Variants in KCNMB1 observed in about 807,000 individuals in gnomAD.
The protein encoded by KCNMB1 is potassium calcium-activated channel subfamily M regulatory beta subunit 1.
A neutral mutation model predicts 21.7 loss-of-function variants in KCNMB1; 22 were observed. That is an observed-to-expected ratio of 1.01 (90% CI 0.72 to 1.45). The LOEUF is 1.45. Among genes scored for constraint, KCNMB1 ranks in the 40% most tolerant of loss-of-function variants. The pLI is 0.00. For missense variants in KCNMB1, 243 were observed against 243.4 expected (o/e 1.00, Z 0.01); for synonymous variants, 114 against 107.6 (o/e 1.06, Z -0.37).
intron 1 of KCNMB1, among the ~76,000 whole-genome samples, chr5:170,387,759 C>T (rs990974307): frequency 2.6e-5 from 4 of 152,252 alleles, no homozygotes; most frequent in Admixed American, 2.6e-4. Flanking sequence ...TTGAACAAGA[C>T]TCTCCATGTA....
rs150439459 is a variant in KCNMB1, at chr5:170,383,695, C to G, written c.290G>C (p.Arg97Pro). ...GTTCAGTACCTGCTGGTTCTGGTCC[C>G]GAGTGTCCTCCGTGTGGTACAGCAC... is the stretch of plus-strand genomic sequence containing the variant. ...WAVLYHTEDTRDQNQQCSYIP... is the reference protein window; with the variant it reads ...WAVLYHTEDTPDQNQQCSYIP... The change falls in exon 3 of 4, where the codon CGG (arginine) becomes CCG (proline). Residue 97 changes from arginine to proline, a missense_variant. By Grantham distance (103) the Arg-to-Pro change is moderately radical. Coordinates refer to ENST00000274629, the MANE Select transcript of KCNMB1 (RefSeq NM_004137.4). The G allele has an allele frequency of 6.2e-7, 1 of 1,614,108 alleles. No individual in the cohort carries two copies. Among genetic ancestry groups the G allele is most frequent in the Admixed American group, 1.7e-5 (1 of 60,026 alleles).
chr5:170,383,562 G>A lies in KCNMB1; in HGVS notation c.306+117C>T, dbSNP rs556381141. ...GGGCTGGCTCAGTCTCATTCCAGCT[G>A]TGAGACCTGGTCAAGTGGGTTGATC... On this transcript the variant is annotated intron_variant, in intron 3 of 3. Transcript: ENST00000274629. The A allele has an allele frequency of 1.8e-5, 20 of 1,139,480 alleles. No individual in the cohort carries two copies. In the South Asian group the frequency reaches 2.2e-4, roughly 13 times the overall value. The allele number at this position is 1,139,480 out of a possible 1,614,324, so 70.6% of individuals were successfully genotyped here.
rs550611207 is a variant in KCNMB1, at chr5:170,386,210, C to T, written c.-24-739G>A. On this transcript the variant is annotated intron_variant, in intron 1 of 3. Coordinates refer to ENST00000274629, the MANE Select transcript of KCNMB1 (RefSeq NM_004137.4). ...TATCCATGTAGCTCCTAAATGTAAT[C>T]CCAAGGGTCCTAATAAGAGGGAAGT... 9.9e-5 allele frequency among the ~76,000 whole-genome samples: 15 copies of T among 152,016 alleles called. No individual in the cohort carries two copies. In the East Asian group the frequency reaches 2.9e-3, roughly 29 times the overall value.
At position 170,377,703 on chromosome 5, in the gene KCNMB1, G is replaced by T. The variant is rs558586661; in HGVS notation, c.*1001C>A. ...TTCTCCTGCCTCAGCCTCCTGAGTA[G>T]CTGGGACCACAGGTGCCCACCACCA... On this transcript the variant is annotated 3_prime_UTR_variant, in exon 4 of 4. Transcript: ENST00000274629. The T allele has an allele frequency of 2.7e-4, 41 of 152,180 alleles. No individual in the cohort carries two copies. Among genetic ancestry groups the T allele is most frequent in the African/African-American group, 9.4e-4 (39 of 41,500 alleles). The allele number at this position is 152,180 out of a possible 1,614,324, so 9.4% of individuals were successfully genotyped here. A position where few individuals can be genotyped will look rare whatever the true frequency, so the allele number is the denominator to read the frequency against.
chr5:170,388,190 T>G (rs1764563965), intron 1 of KCNMB1, among the ~76,000 whole-genome samples: 1 of 152,220 alleles, frequency 6.6e-6, no homozygotes, highest in Admixed American at 6.5e-5. Context: ...GTCTGGAAAC[T>G]TGGCTTATTC....
intron 3 of KCNMB1, among the ~76,000 whole-genome samples, chr5:170,381,873 G>A (rs1764255000): frequency 6.6e-6 from 1 of 152,236 alleles, no homozygotes; most frequent in African/African-American, 2.4e-5. Flanking sequence ...CAGGGGTCAT[G>A]GGTAGGAGCT....
chr5:170,379,357 A>C (rs1764145540), intron 3 of KCNMB1, among the ~76,000 whole-genome samples: 1 of 152,202 alleles, frequency 6.6e-6, no homozygotes, highest in Non-Finnish European at 1.5e-5. Context: ...AGGACTTCAC[A>C]CAGAGCTATC....
Position 170,378,753 on chromosome 5 carries a change from G to C in KCNMB1, c.527C>G (p.Ala176Gly), listed in dbSNP as rs1764111050. The change falls in exon 4 of 4, where the codon GCC becomes GGC. Residue 176 changes from alanine to glycine, a missense_variant. Coordinates refer to ENST00000274629, the MANE Select transcript of KCNMB1 (RefSeq NM_004137.4). Reference protein sequence around the residue: ...FLLTGGLLIIAMVKSNQYLSI... With the variant: ...FLLTGGLLIIGMVKSNQYLSI... ...CAGGTACTGGTTGCTCTTCACCATG[G>C]CGATAATGAGGAGGCCACCGGTCAG... The C allele has an allele frequency of 6.2e-7, 1 of 1,614,056 alleles. No homozygotes were observed. The highest frequency in any genetic ancestry group is 8.5e-7 in the Non-Finnish European group (1 of 1,180,028).
chr5:170,383,405 G>A (rs1225188455), intron 3 of KCNMB1: 2 of 600,344 alleles, frequency 3.3e-6, no homozygotes, highest in African/African-American at 1.9e-5. Flanking sequence ...TCTTCAAGGT[G>A]CAGCATTAGC....
chr5:170,387,112 A>G (rs894800851), intron 1 of KCNMB1, among the ~76,000 whole-genome samples: 1 of 152,130 alleles, frequency 6.6e-6, no homozygotes, highest in African/African-American at 2.4e-5. Context: ...TTATTTGTTT[A>G]AAGTAACCAG....
In KCNMB1 at chr5:170,380,725, C is replaced by G. The variant is rs569486090; in HGVS notation, c.307-1752G>C. On this transcript the variant is annotated intron_variant, in intron 3 of 3. Transcript: ENST00000274629. Reference sequence around the variant, plus strand: ...CATCCTGAGCTGACGGTGAGGGGGCCTGGCCTGAGTCTCTCCAATGCCTCT... The same window carrying G: ...CATCCTGAGCTGACGGTGAGGGGGCGTGGCCTGAGTCTCTCCAATGCCTCT... Among the ~76,000 whole-genome samples the G allele has an allele frequency of 2.6e-5, 4 of 152,332 alleles. No homozygotes were observed. In the East Asian group the frequency reaches 7.7e-4, roughly 29 times the overall value.
intron 1 of KCNMB1, among the ~76,000 whole-genome samples, chr5:170,386,336 G>A (rs78838035): frequency 0.056 from 8,469 of 152,220 alleles, 307 homozygotes; most frequent in Middle Eastern, 0.095. Context: ...AGAAGCTGGC[G>A]GGGGCAAGGA....
chr5:170,380,873 G>A (rs553885736), intron 3 of KCNMB1, among the ~76,000 whole-genome samples: 1 of 152,330 alleles, frequency 6.6e-6, no homozygotes, highest in South Asian at 2.1e-4. Flanking sequence ...TGTAAAATGG[G>A]TTTGTGAGGC....
In KCNMB1 at chr5:170,375,471, A is replaced by C. The variant is rs1763964364; in HGVS notation, c.*3233T>G. 1 of 152,506 alleles carries C rather than the reference A, an allele frequency of 6.6e-6. No individual in the cohort carries two copies. The highest frequency in any genetic ancestry group is 6.5e-5 in the Admixed American group (1 of 15,290). The allele number at this position is 152,506 out of a possible 1,614,324, so 9.4% of individuals were successfully genotyped here. ...TCAGAACTCCAACCTGCATGAGGGC[A>C]CCTGGGTTCCAGGGATGCAACGCAG... On this transcript the variant is annotated 3_prime_UTR_variant, in exon 4 of 4. Transcript: ENST00000274629.
At chr5:170,384,781 C>A (rs1334351321) in intron 2 of KCNMB1, among the ~76,000 whole-genome samples, 1 of 152,212 alleles carries the variant, frequency 6.6e-6, no homozygotes, top group African/African-American at 2.4e-5. Context: ...ATGGACCATT[C>A]TCTGAGATTC....
intron 3 of KCNMB1, among the ~76,000 whole-genome samples, chr5:170,382,352 A>T (rs1764276728): frequency 6.6e-6 from 1 of 152,174 alleles, no homozygotes; most frequent in Admixed American, 6.5e-5. Context: ...AGACTCTTAC[A>T]GGGTTCTAAT....
intron 3 of KCNMB1, 48 bp downstream of exon 3, chr5:170,383,631 C>A: frequency 1.9e-6 from 3 of 1,603,082 alleles, no homozygotes; most frequent in Non-Finnish European, 2.6e-6. Context: ...CAGGCTCACA[C>A]ACCTGACAGG....
At position 170,377,581 on chromosome 5, in the gene KCNMB1, G is replaced by GT. The variant is rs369385575; in HGVS notation, c.*1122dup. On this transcript the variant is annotated 3_prime_UTR_variant, in exon 4 of 4. Transcript: ENST00000274629. ...GGTTGTTTTTCATTTTTTGTTTTTTGTTTTTTTTTTGAGACGGAGTCTTGT... is the reference window on the plus strand; with the variant it reads ...GGTTGTTTTTCATTTTTTGTTTTTTGTTTTTTTTTTTGAGACGGAGTCTTGT... The GT allele has an allele frequency of 0.3, 44,699 of 147,696 alleles. 6,789 individuals are homozygous for GT. The highest frequency in any genetic ancestry group is 0.43 in the South Asian group (1,984 of 4,658). The allele number at this position is 147,696 out of a possible 1,614,324, so 9.1% of individuals were successfully genotyped here.
At chr5:170,379,951 CAAAAAAAA>C (rs113260730) in intron 3 of KCNMB1, among the ~76,000 whole-genome samples, 1 of 103,452 alleles carries the variant, frequency 9.7e-6, no homozygotes, top group Non-Finnish European at 2.1e-5. Context: ...GATCCCATTT[CAAAAAAAA>C]AAAAAAAGTA....
Sources: gnomAD v4.1 joint callset for allele counts (sites outside exome capture counted in the v4.1 genomes callset) on GRCh38, gnomAD v4.1.1 for gene constraint, MANE v1.5 for transcripts, NCBI Gene and HGNC (gene_info 2026-07-23, HGNC 2026-07-21) for gene names.